Variants in PHACTR4 observed in about 807,000 individuals in gnomAD.
PHACTR4 encodes the protein protein phosphatase 1, regulatory subunit 124.
PHACTR4 carries 51 observed loss-of-function variants against 72.7 expected under a neutral mutation model. The ratio of observed to expected loss-of-function variants is 0.70; its 90% confidence interval spans 0.56 to 0.89. PHACTR4 has a LOEUF of 0.89. Among genes scored for constraint, PHACTR4 ranks in the 40% least tolerant of loss-of-function variants. The pLI is 0.00. For synonymous variants in PHACTR4, 255 were observed against 302.5 expected (o/e 0.84, Z 1.63); for missense variants, 731 against 861.8 (o/e 0.85, Z 1.90).
chr1:28,438,613 G>GTT (rs1656790179), intron 2 of PHACTR4, among the ~76,000 whole-genome samples: 1 of 152,218 alleles, frequency 6.6e-6, no homozygotes, highest in East Asian at 1.9e-4. Context: ...AAAAAATTAA[G>GTT]TTTTTTAAAA....
At chr1:28,397,619 G>A (rs1653610705) in intron 1 of PHACTR4, among the ~76,000 whole-genome samples, 1 of 151,780 alleles carries the variant, frequency 6.6e-6, no homozygotes, top group South Asian at 2.1e-4. Flanking sequence ...ATATTTGTAT[G>A]TACAATCTGA....
At chr1:28,413,160 T>G (rs1473232220) in intron 2 of PHACTR4, among the ~76,000 whole-genome samples, 2 of 152,202 alleles carry the variant, frequency 1.3e-5, no homozygotes, top group East Asian at 3.8e-4. Context: ...TGGAGCGAAA[T>G]GAGTCTGGAA....
chr1:28,434,765 C>T (rs1016384757), intron 2 of PHACTR4, among the ~76,000 whole-genome samples: 2 of 151,980 alleles, frequency 1.3e-5, no homozygotes, highest in Non-Finnish European at 2.9e-5. Flanking sequence ...CTCCTAGGCT[C>T]GAGGGATCCT....
At chr1:28,458,392 C>A (rs1331800145) in intron 2 of PHACTR4, among the ~76,000 whole-genome samples, 1 of 152,084 alleles carries the variant, frequency 6.6e-6, no homozygotes, top group African/African-American at 2.4e-5. Context: ...AAGCGATCTG[C>A]CTGCCTCAGC....
At position 28,487,727 on chromosome 1, in the gene PHACTR4, G is replaced by GTTTTTTTTTTTT. The variant is rs780028378; in HGVS notation, c.1761-1428_1761-1417dup. 5.5e-4 allele frequency among the ~76,000 whole-genome samples: 35 copies of GTTTTTTTTTTTT among 63,308 alleles called. 2 individuals are homozygous for GTTTTTTTTTTTT. Among genetic ancestry groups the GTTTTTTTTTTTT allele is most frequent in the African/African-American group, 1.3e-3 (24 of 17,970 alleles). 41.5% of individuals were successfully genotyped at this position (63,308 alleles called of 152,430 possible). The stretch of plus-strand genomic sequence containing the variant: ...AAATGACAAATTGTAGTTTTTTGTT[G>GTTTTTTTTTTTT]TTTTTTTTTTTTTTTTTTTTTTTTT... On this transcript the variant is annotated intron_variant, in intron 9 of 13. Coordinates refer to ENST00000373839, the MANE Select transcript of PHACTR4 (RefSeq NM_001048183.3).
intron 1 of PHACTR4, among the ~76,000 whole-genome samples, chr1:28,406,654 C>G (rs1056675891): frequency 2.0e-5 from 3 of 152,106 alleles, no homozygotes; most frequent in African/African-American, 7.2e-5. Context: ...TTATAAAAAG[C>G]AGGCTCTGAA....
At chr1:28,390,794 A>G (rs1652951346) in intron 1 of PHACTR4, among the ~76,000 whole-genome samples, 1 of 152,034 alleles carries the variant, frequency 6.6e-6, no homozygotes, top group South Asian at 2.1e-4. Context: ...CTGCATCTCA[A>G]AAAATAGAAA....
chr1:28,497,686 CA>C lies in PHACTR4; in HGVS notation c.*1156del, dbSNP rs569598420. On this transcript the variant is annotated 3_prime_UTR_variant, in exon 14 of 14. Coordinates refer to ENST00000373839, the MANE Select transcript of PHACTR4 (RefSeq NM_001048183.3). ...AATAAATCCCCTTATTCCTTCCTTG[CA>C]AAAAAAAAAAAAAAAAAAGCCTTAG... 0.03 allele frequency: 2,031 copies of C among 68,542 alleles called. 30 individuals carry two copies. Among genetic ancestry groups the C allele is most frequent in the African/African-American group, 0.066 (1,622 of 24,422 alleles). The allele number at this position is 68,542 out of a possible 1,614,324, so 4.2% of individuals were successfully genotyped here.
intron 1 of PHACTR4, among the ~76,000 whole-genome samples, chr1:28,376,029 A>G (rs1651632841): frequency 6.6e-6 from 1 of 152,066 alleles, no homozygotes; most frequent in African/African-American, 2.4e-5. Flanking sequence ...AGATCACACC[A>G]TTGCACTCCA....
At chr1:28,481,805 A>C (rs1660302033) in intron 9 of PHACTR4, among the ~76,000 whole-genome samples, 1 of 147,454 alleles carries the variant, frequency 6.8e-6, no homozygotes, top group South Asian at 2.1e-4. Context: ...AAAAAAAAGA[A>C]AAGAAAAGAA....
chr1:28,457,094 A>G (rs1317433508), intron 2 of PHACTR4, among the ~76,000 whole-genome samples: 4 of 152,134 alleles, frequency 2.6e-5, no homozygotes, highest in South Asian at 2.1e-4. Context: ...TATTTTGCCT[A>G]AGTCTTCTGG....
chr1:28,390,975 G>A (rs866189416), intron 1 of PHACTR4, among the ~76,000 whole-genome samples: 3,651 of 151,100 alleles, frequency 0.024, 133 homozygotes, highest in African/African-American at 0.085. Flanking sequence ...TGCACCTGTA[G>A]TCCCAGCTAC....
At chr1:28,380,782 G>T (rs1010840594) in intron 1 of PHACTR4, among the ~76,000 whole-genome samples, 1 of 151,974 alleles carries the variant, frequency 6.6e-6, no homozygotes, top group Non-Finnish European at 1.5e-5. Context: ...CTTTGCTGTT[G>T]TGAATAGTGC....
At chr1:28,419,420 G>T (rs747335595) in intron 2 of PHACTR4, among the ~76,000 whole-genome samples, 4 of 151,724 alleles carry the variant, frequency 2.6e-5, no homozygotes, top group Admixed American at 6.6e-5. Context: ...CACATATAAA[G>T]TGTAAATATA....
chr1:28,406,643 C>G (rs1011441887), intron 1 of PHACTR4, among the ~76,000 whole-genome samples: 4 of 152,036 alleles, frequency 2.6e-5, no homozygotes, highest in African/African-American at 7.3e-5. Flanking sequence ...TAGGTTGTGA[C>G]TTATAAAAAG....
chr1:28,443,313 ACT>A (rs1225172609), intron 2 of PHACTR4, among the ~76,000 whole-genome samples: 3 of 120,404 alleles, frequency 2.5e-5, no homozygotes, highest in Non-Finnish European at 3.7e-5. Context: ...TTTCGTCTCA[ACT>A]CTGTCACCGA....
intron 9 of PHACTR4, among the ~76,000 whole-genome samples, chr1:28,484,947 C>G (rs557316568): frequency 6.6e-6 from 1 of 152,062 alleles, no homozygotes; most frequent in South Asian, 2.1e-4. Context: ...GCCTGGGCAA[C>G]AAGAGCAAAA....
At chr1:28,433,189 G>T in intron 2 of PHACTR4, 1 of 692,926 alleles carries the variant, frequency 1.4e-6, no homozygotes, top group Non-Finnish European at 1.8e-6. Context: ...AGAGATAGCT[G>T]TCTACTTCTT....
intron 2 of PHACTR4, among the ~76,000 whole-genome samples, chr1:28,423,073 G>A (rs1261242967): frequency 6.6e-6 from 1 of 150,928 alleles, no homozygotes; most frequent in Non-Finnish European, 1.5e-5. Context: ...ACAGGCATGA[G>A]CCACCACACC....
Sources: allele counts gnomAD v4.1 joint callset (sites outside exome capture counted in the v4.1 genomes callset), GRCh38; gene constraint gnomAD v4.1.1; transcripts MANE v1.5; gene names NCBI Gene and HGNC (gene_info 2026-07-23, HGNC 2026-07-21).